The following DBT variants were observed in gnomAD, a reference collection of about 807,000 sequenced individuals.
The protein encoded by DBT is dihydrolipoamide branched chain transacylase E2, also known as lipoamide acyltransferase component of branched-chain alpha-keto acid dehydrogenase complex, mitochondrial.
DBT carries 40 observed loss-of-function variants against 51.3 expected under a neutral mutation model. The observed-to-expected ratio is 0.78, with a 90% CI of 0.61 to 1.02. The LOEUF is 1.02. Ranked by LOEUF, DBT falls within the 50% of genes least tolerant of loss-of-function variation. The pLI is 0.00. For missense variants in DBT, 510 were observed against 580.2 expected, an observed-to-expected ratio of 0.88 and a Z score of 1.24; for synonymous variants, 181 against 190.4, an observed-to-expected ratio of 0.95 and a Z score of 0.41.
chr1:100,243,827 C>T (rs1331606932), intron 1 of DBT, among the ~76,000 whole-genome samples: 1 of 151,054 alleles, frequency 6.6e-6, no homozygotes, highest in African/African-American at 2.4e-5. Context: ...AAAGAGTTTA[C>T]AACGTATGTG....
At chr1:100,207,152 A>G (rs1394703290) in intron 8 of DBT, among the ~76,000 whole-genome samples, 5 of 152,210 alleles carry the variant, frequency 3.3e-5, no homozygotes, top group African/African-American at 1.2e-4. Context: ...GTGGGAATGT[A>G]ACTGGTACAG....
intron 5 of DBT, among the ~76,000 whole-genome samples, chr1:100,217,414 G>T (rs1249042081): frequency 6.6e-6 from 1 of 152,042 alleles, no homozygotes; most frequent in African/African-American, 2.4e-5. Flanking sequence ...ACATTTAAGG[G>T]TTACATAACA....
At chr1:100,217,755 A>C (rs1662581764) in intron 5 of DBT, among the ~76,000 whole-genome samples, 1 of 150,614 alleles carries the variant, frequency 6.6e-6, no homozygotes, top group African/African-American at 2.4e-5. Context: ...GTTTTAGATA[A>C]GTTAATCAAC....
chr1:100,208,524 TC>T (rs1441004469), intron 8 of DBT, among the ~76,000 whole-genome samples: 20 of 152,112 alleles, frequency 1.3e-4, no homozygotes, highest in Admixed American at 1.3e-3. Context: ...CTGCAAATAA[TC>T]ATGATGTTTA....
At chr1:100,222,345 T>G (rs2100811236) in intron 4 of DBT, among the ~76,000 whole-genome samples, 1 of 152,324 alleles carries the variant, frequency 6.6e-6, no homozygotes, top group African/African-American at 2.4e-5. Context: ...TAAACTAAAC[T>G]GTGTTGTTGT....
intron 2 of DBT, among the ~76,000 whole-genome samples, chr1:100,240,115 A>G (rs552738839): frequency 1.6e-4 from 24 of 152,212 alleles, no homozygotes; most frequent in Non-Finnish European, 2.9e-4. Flanking sequence ...AGCTGGGGAA[A>G]AAGTAAGTAA....
chr1:100,216,023 A>C lies in DBT; in HGVS notation c.732T>G (p.Pro244=). Residue 244 remains proline (P), a synonymous_variant, in exon 6 of 11, where the codon CCT becomes CCG. Transcript: ENST00000370132. ...TTTTGTCTTTGCCTGTGAATACCGG[A>C]GGTTTTGATACTAGTATAGGAACAG... ...DMTVPILVSK[P]PVFTGKDKTE... 6.2e-7 allele frequency: 1 copy of C among 1,612,078 alleles called. No individual in the cohort carries two copies. The highest frequency in any genetic ancestry group is 8.5e-7 in the Non-Finnish European group (1 of 1,178,290).
rs1309152535 is a variant in DBT at position 100,193,295 on chromosome 1, T to G, written c.*2960A>C. 6.6e-6 allele frequency: 1 copy of G among 152,254 alleles called. No individual in the cohort carries two copies. 9.4% of individuals were successfully genotyped at this position (152,254 alleles called of 1,614,324 possible). ...GAGGAGGACATTTTTATTGATCATGTCATTATTCATTTAAAACTCAATAAA... is the reference window on the plus strand; with the variant it reads ...GAGGAGGACATTTTTATTGATCATGGCATTATTCATTTAAAACTCAATAAA... On this transcript the variant is annotated 3_prime_UTR_variant, in exon 11 of 11. Coordinates refer to ENST00000370132, the MANE Select transcript of DBT (RefSeq NM_001918.5).
Position 100,205,695 on chromosome 1 carries a change from C to G in DBT, c.1281+535G>C, listed in dbSNP as rs149543772. Among the ~76,000 whole-genome samples, 1,424 of 152,288 alleles carry G rather than the reference C, an allele frequency of 9.4e-3. 24 individuals are homozygous for G. The highest frequency in any genetic ancestry group is 0.033 in the African/African-American group (1,373 of 41,560). Reference sequence around the variant, plus strand: ...ATTCACAATAGCAAAGACTTGGAACCAACCCAAATGTCCATCAATGTTAGT... The same window carrying G: ...ATTCACAATAGCAAAGACTTGGAACGAACCCAAATGTCCATCAATGTTAGT... On this transcript the variant is annotated intron_variant, in intron 10 of 10. Transcript: ENST00000370132.
intron 7 of DBT, among the ~76,000 whole-genome samples, chr1:100,212,195 T>G (rs1418221939): frequency 1.3e-5 from 2 of 152,210 alleles, no homozygotes; most frequent in Non-Finnish European, 2.9e-5. Context: ...CCAAATTTTG[T>G]CCAAGAAAAT....
chr1:100,213,966 A>G (rs6692941), intron 7 of DBT, among the ~76,000 whole-genome samples: 3,873 of 135,888 alleles, frequency 0.029, 169 homozygotes, highest in African/African-American at 0.09. Flanking sequence ...AAAAAAAAAA[A>G]AGAGAGAGAT....
chr1:100,209,491 C>T (rs968537451), intron 8 of DBT, among the ~76,000 whole-genome samples: 4 of 152,040 alleles, frequency 2.6e-5, no homozygotes, highest in African/African-American at 9.7e-5. Flanking sequence ...CTGTATTAAC[C>T]GTATGGGAGC....
chr1:100,244,063 C>CAAAAA (rs1162401280), intron 1 of DBT, among the ~76,000 whole-genome samples: 6 of 79,016 alleles, frequency 7.6e-5, no homozygotes, highest in African/African-American at 2.5e-4. Flanking sequence ...AATTCTATCT[C>CAAAAA]AAAAAAAAAA....
At chr1:100,198,283 A>C (rs1023055911) in intron 10 of DBT, among the ~76,000 whole-genome samples, 7 of 152,212 alleles carry the variant, frequency 4.6e-5, no homozygotes, top group Admixed American at 4.6e-4. Context: ...AGGTACCTAG[A>C]ATAGTCCAAT....
At chr1:100,247,744 G>T (rs10783127) in intron 1 of DBT, among the ~76,000 whole-genome samples, 114,219 of 148,744 alleles carry the variant, frequency 0.77, 45,743 homozygotes, top group East Asian at 0.94. Flanking sequence ...TGAGGGTTCA[G>T]TTCTAGAGGC....
intron 2 of DBT, among the ~76,000 whole-genome samples, chr1:100,237,559 G>A (rs1177289642): frequency 3.3e-5 from 5 of 152,122 alleles, no homozygotes; most frequent in African/African-American, 7.2e-5. Flanking sequence ...AGATGGGGTC[G>A]GGGAGTGGGT....
intron 1 of DBT, among the ~76,000 whole-genome samples, chr1:100,244,021 T>G (rs1277763708): frequency 1.5e-5 from 2 of 136,716 alleles, no homozygotes; most frequent in African/African-American, 5.5e-5. Context: ...AGCTGTAATC[T>G]CATTGCACTC....
At chr1:100,222,877 T>C (rs1290659687) in intron 4 of DBT, among the ~76,000 whole-genome samples, 1 of 152,052 alleles carries the variant, frequency 6.6e-6, no homozygotes, top group East Asian at 1.9e-4. Flanking sequence ...CTAAAATAGG[T>C]GCCACACAGC....
intron 4 of DBT, among the ~76,000 whole-genome samples, 189 bp from the exon 5 acceptor site, chr1:100,218,936 G>C (rs925603972): frequency 1.3e-5 from 2 of 150,840 alleles, no homozygotes; most frequent in East Asian, 1.9e-4. Context: ...GTAGAGTGGG[G>C]GGGGGGGTGT....
Sources: gnomAD v4.1 joint callset for allele counts (sites outside exome capture counted in the v4.1 genomes callset) on GRCh38, gnomAD v4.1.1 for gene constraint, MANE v1.5 for transcripts, NCBI Gene and HGNC (gene_info 2026-07-23, HGNC 2026-07-21) for gene names.